Variants in PARN observed in about 807,000 individuals in gnomAD.
PARN encodes poly(A)-specific ribonuclease.
Under a neutral mutation model 102.8 loss-of-function variants are expected in PARN, and 71 were observed. That is an observed-to-expected ratio of 0.69 (90% confidence interval 0.57 to 0.84). PARN has a LOEUF of 0.84. PARN is among the 40% of genes least tolerant of loss of function. PARN has a pLI of 0.00. For synonymous variants in PARN, 261 were observed against 252.9 expected, an observed-to-expected ratio of 1.03 and a Z score of -0.30; for missense variants, 782 against 760.9, an observed-to-expected ratio of 1.03 and a Z score of -0.33.
intron 22 of PARN, among the ~76,000 whole-genome samples, chr16:14,480,271 T>G (rs565945485): frequency 3.3e-5 from 5 of 152,152 alleles, no homozygotes; most frequent in Admixed American, 2.6e-4. Context: ...GAGGTTGCAG[T>G]GAGCTGAGAT....
At chr16:14,551,974 A>G (rs781202865) in intron 21 of PARN, 47 bp downstream of exon 21, 1 of 1,270,826 alleles carries the variant, frequency 7.9e-7, no homozygotes, top group Non-Finnish European at 1.1e-6. Flanking sequence ...TGGGAGGGCA[A>G]CCTCTCACTG....
intron 22 of PARN, among the ~76,000 whole-genome samples, chr16:14,477,261 G>A (rs556987596): frequency 7.9e-5 from 12 of 151,842 alleles, no homozygotes; most frequent in Admixed American, 6.6e-4. Context: ...CCAACAGAGC[G>A]AAACCTGGTC....
intron 13 of PARN, chr16:14,592,133 A>T (rs1250077940): frequency 6.6e-6 from 1 of 152,270 alleles, no homozygotes; most frequent in Non-Finnish European, 1.5e-5. Context: ...CAAGAGTCAA[A>T]ACTGATGCTA....
chr16:14,512,074 G>A (rs1280765028), intron 21 of PARN, among the ~76,000 whole-genome samples: 1 of 152,098 alleles, frequency 6.6e-6, no homozygotes, highest in African/African-American at 2.4e-5. Flanking sequence ...CCTTCCTTCT[G>A]GAAGACATAA....
At chr16:14,614,937 A>G (rs1406036338) in intron 6 of PARN, among the ~76,000 whole-genome samples, 1 of 150,914 alleles carries the variant, frequency 6.6e-6, no homozygotes, top group East Asian at 2.0e-4. Flanking sequence ...GAGGACACCT[A>G]GCACAGCCTG....
At chr16:14,627,400 C>T in intron 3 of PARN, 64 bp from the exon 4 acceptor site, 1 of 1,173,430 alleles carries the variant, frequency 8.5e-7, no homozygotes, top group Non-Finnish European at 1.2e-6. Flanking sequence ...GCATAGCATT[C>T]TCAAACAGGT....
intron 5 of PARN, among the ~76,000 whole-genome samples, chr16:14,622,056 G>A (rs1972339385): frequency 6.6e-6 from 1 of 151,890 alleles, no homozygotes; most frequent in Non-Finnish European, 1.5e-5. Flanking sequence ...AGCCAGGCAT[G>A]GTGGCACGCA....
chr16:14,533,541 C>T (rs889821793), intron 21 of PARN, among the ~76,000 whole-genome samples: 6 of 151,592 alleles, frequency 4.0e-5, no homozygotes, highest in Non-Finnish European at 2.9e-5. Context: ...CATGTTTCCA[C>T]GTTCTAGCTC....
intron 8 of PARN, 95 bp downstream of exon 8, chr16:14,608,963 T>A: frequency 1.5e-6 from 1 of 677,972 alleles, no homozygotes. Flanking sequence ...AAAGACCCTT[T>A]ATAAAGCTGT....
At chr16:14,605,396 TATC>T (rs1971118713) in intron 10 of PARN, among the ~76,000 whole-genome samples, 1 of 152,222 alleles carries the variant, frequency 6.6e-6, no homozygotes, top group Admixed American at 6.5e-5. Context: ...CAGTTAAAAA[TATC>T]AACAGACTGT....
intron 9 of PARN, among the ~76,000 whole-genome samples, chr16:14,607,315 CTCCT>C (rs1971250127): frequency 1.3e-5 from 2 of 152,242 alleles, no homozygotes; most frequent in African/African-American, 4.8e-5. Context: ...TCAAGAGATG[CTCCT>C]GCCTTTGCCT....
intron 22 of PARN, among the ~76,000 whole-genome samples, chr16:14,473,944 T>C (rs574902518): frequency 6.6e-6 from 1 of 152,250 alleles, no homozygotes; most frequent in Admixed American, 6.5e-5. Flanking sequence ...AAACTTCTAG[T>C]ATATAGCTGG....
Position 14,558,076 on chromosome 16 carries a change from G to A in PARN, c.1263-2367C>T, listed in dbSNP as rs190769700. Among the ~76,000 whole-genome samples, 341 of 152,196 alleles carry A rather than the reference G, an allele frequency of 2.2e-3. 3 individuals are homozygous for A. Among genetic ancestry groups the A allele is most frequent in the African/African-American group, 7.6e-3 (315 of 41,530 alleles). On this transcript the variant is annotated intron_variant, in intron 18 of 23. Transcript: ENST00000437198. ...TGCTTCATATAATTTTCAGTTCTCC[G>A]TTTAGTAAATTTAGAAATAGTCTCC...
chr16:14,543,478 T>A (rs1429440318), intron 21 of PARN, among the ~76,000 whole-genome samples: 1 of 152,164 alleles, frequency 6.6e-6, no homozygotes, highest in Admixed American at 6.5e-5. Flanking sequence ...TAACACCACT[T>A]TCTGGGATTT....
chr16:14,473,775 C>G (rs1212111868), intron 22 of PARN, among the ~76,000 whole-genome samples: 2 of 152,172 alleles, frequency 1.3e-5, no homozygotes, highest in Non-Finnish European at 2.9e-5. Context: ...TAGCAGTGGA[C>G]AGTTGTGGGT....
intron 22 of PARN, among the ~76,000 whole-genome samples, chr16:14,450,431 C>G (rs1464806483): frequency 6.6e-6 from 1 of 152,090 alleles, no homozygotes; most frequent in East Asian, 1.9e-4. Context: ...TAAGGAAGAA[C>G]CCTCTGAGGA....
chr16:14,498,634 C>A (rs1280793491), intron 21 of PARN, among the ~76,000 whole-genome samples: 1 of 152,090 alleles, frequency 6.6e-6, no homozygotes, highest in Non-Finnish European at 1.5e-5. Flanking sequence ...CAGGCCAGCT[C>A]CTCCGTGCCT....
At chr16:14,607,504 G>A (rs150669598) in intron 9 of PARN, among the ~76,000 whole-genome samples, 44 of 152,228 alleles carry the variant, frequency 2.9e-4, no homozygotes, top group African/African-American at 8.2e-4. Flanking sequence ...CACCGCGCCC[G>A]GCCTGAGTCT....
At chr16:14,470,433 G>GGATGATGATGATGAT (rs150764987) in intron 22 of PARN, among the ~76,000 whole-genome samples, 19 of 124,010 alleles carry the variant, frequency 1.5e-4, no homozygotes, top group South Asian at 2.3e-4. Context: ...CTTAGAGTTT[G>GGATGATGATGATGAT]GATGATTATT....
Sources: allele counts gnomAD v4.1 joint callset (sites outside exome capture counted in the v4.1 genomes callset), GRCh38; gene constraint gnomAD v4.1.1; transcripts MANE v1.5; gene names NCBI Gene and HGNC (gene_info 2026-07-23, HGNC 2026-07-21).